The following ARHGAP8 variants were observed in gnomAD, a reference collection of about 807,000 sequenced individuals.
ARHGAP8 encodes rho GTPase-activating protein 8.
A neutral mutation model predicts 46.1 loss-of-function variants in ARHGAP8; 62 were observed. The ratio of observed to expected loss-of-function variants is 1.34; its 90% CI spans 1.10 to 1.66. The LOEUF (loss-of-function observed/expected upper bound fraction) is 1.66. ARHGAP8 is among the 40% of genes most tolerant of loss of function. The pLI, the probability that ARHGAP8 is intolerant of heterozygous loss-of-function variation, is 0.00. For missense variants in ARHGAP8, 923 were observed against 568.4 expected (o/e 1.62, Z -6.34); for synonymous variants, 375 against 243.1 (o/e 1.54, Z -5.05).
intron 2 of ARHGAP8, among the ~76,000 whole-genome samples, chr22:44,788,614 G>C (rs745893690): frequency 2.6e-5 from 4 of 151,934 alleles, no homozygotes; most frequent in Non-Finnish European, 5.9e-5. Flanking sequence ...GGCTGGTCTC[G>C]AACTCCTGAC....
At chr22:44,756,284 T>C (rs4823369) in intron 1 of ARHGAP8, among the ~76,000 whole-genome samples, 33,937 of 151,816 alleles carry the variant, frequency 0.22, 4,236 homozygotes, top group South Asian at 0.49. Context: ...GCAGTGGGTT[T>C]TTCTGGGCTG....
chr22:44,826,787 A>G (rs1930553284), intron 7 of ARHGAP8, among the ~76,000 whole-genome samples: 1 of 152,202 alleles, frequency 6.6e-6, no homozygotes. Context: ...TCTGGGCGGC[A>G]TCTGGGCCAG....
intron 10 of ARHGAP8, among the ~76,000 whole-genome samples, chr22:44,851,817 C>T (rs774225308): frequency 5.1e-4 from 77 of 151,716 alleles, no homozygotes; most frequent in Non-Finnish European, 2.1e-4. Context: ...CCAGCCTGGA[C>T]AAAAGAGCAA....
At chr22:44,786,211 G>A (rs539357389) in intron 1 of ARHGAP8, 2 of 590,484 alleles carry the variant, frequency 3.4e-6, no homozygotes, top group South Asian at 4.1e-5. Flanking sequence ...GTGGGTGCTC[G>A]ACTGATGTAG....
At chr22:44,855,880 C>T (rs193207565) in intron 10 of ARHGAP8, among the ~76,000 whole-genome samples, 145 of 152,268 alleles carry the variant, frequency 9.5e-4, no homozygotes, top group Non-Finnish European at 1.7e-3. Flanking sequence ...TTAATTGGCT[C>T]ATGTTTCTGT....
chr22:44,826,784 G>A (rs1044590314), intron 7 of ARHGAP8, among the ~76,000 whole-genome samples: 4 of 152,270 alleles, frequency 2.6e-5, no homozygotes, highest in South Asian at 2.1e-4. Context: ...GGCTCTGGGC[G>A]GCATCTGGGC....
At chr22:44,844,200 G>A (rs899086356) in intron 7 of ARHGAP8, among the ~76,000 whole-genome samples, 1 of 152,118 alleles carries the variant, frequency 6.6e-6, no homozygotes, top group Non-Finnish European at 1.5e-5. Flanking sequence ...TTGAACTCCT[G>A]ACCTCGTGGT....
intron 5 of ARHGAP8, among the ~76,000 whole-genome samples, chr22:44,815,259 G>A (rs1195908918): frequency 6.6e-6 from 1 of 152,176 alleles, no homozygotes; most frequent in Non-Finnish European, 1.5e-5. Flanking sequence ...GGAGGAGGGA[G>A]CATGGCTGGC....
At chr22:44,821,154 A>G (rs117316964) in intron 5 of ARHGAP8, among the ~76,000 whole-genome samples, 2,546 of 152,306 alleles carry the variant, frequency 0.017, 27 homozygotes, top group Middle Eastern at 0.048. Flanking sequence ...TATCTTGGCC[A>G]GGCACGGTGG....
At chr22:44,785,060 G>A (rs1441874971) in intron 1 of ARHGAP8, among the ~76,000 whole-genome samples, 2 of 152,170 alleles carry the variant, frequency 1.3e-5, no homozygotes, top group African/African-American at 2.4e-5. Flanking sequence ...AGGGAGGTGT[G>A]GGAAGCAGCT....
intron 2 of ARHGAP8, among the ~76,000 whole-genome samples, chr22:44,796,184 C>A (rs546239588): frequency 6.6e-6 from 1 of 152,182 alleles, no homozygotes; most frequent in Admixed American, 6.5e-5. Context: ...CCAGAGCAGA[C>A]GCTGTTCTGC....
chr22:44,813,255 TAC>T (rs143474269), intron 4 of ARHGAP8, among the ~76,000 whole-genome samples: 56 of 150,240 alleles, frequency 3.7e-4, no homozygotes, highest in African/African-American at 6.1e-4. Context: ...TACATACACT[TAC>T]ACACACACAC....
At chr22:44,808,706 G>A (rs1332603305) in intron 4 of ARHGAP8, 2 of 611,340 alleles carry the variant, frequency 3.3e-6, no homozygotes, top group South Asian at 3.0e-5. Context: ...GCTCACACCT[G>A]TAATCCCAGT....
chr22:44,790,153 G>C (rs556954222), intron 2 of ARHGAP8, among the ~76,000 whole-genome samples: 19 of 152,316 alleles, frequency 1.2e-4, no homozygotes, highest in Non-Finnish European at 2.4e-4. Context: ...AGTCTCTGGG[G>C]TTGGAGAATG....
chr22:44,857,758 G>A (rs1237026723), intron 10 of ARHGAP8, among the ~76,000 whole-genome samples: 1 of 152,156 alleles, frequency 6.6e-6, no homozygotes, highest in Non-Finnish European at 1.5e-5. Context: ...CCTCCCACAT[G>A]CAAGCTGTGT....
intron 11 of ARHGAP8, among the ~76,000 whole-genome samples, chr22:44,860,538 T>C (rs59455021): frequency 4.9e-5 from 5 of 101,514 alleles, no homozygotes; most frequent in Admixed American, 1.1e-4. Context: ...GATGATCTCA[T>C]CTTGAGATCC....
rs536173027 is a variant in ARHGAP8, at chr22:44,823,189, G to A, written c.485+720G>A. On this transcript the variant is annotated intron_variant, in intron 6 of 11. Transcript: ENST00000356099. ...ATGGCAGGTGCTGGGATATAGAGGT[G>A]TTTAGGGAGTGTGGTCTCTGCCCTC... is the stretch of plus-strand genomic sequence containing the variant. Among the ~76,000 whole-genome samples the A allele has an allele frequency of 3.2e-4, 48 of 152,312 alleles. 1 individual carries two copies. The South Asian group carries it at 9.7e-3, about 31-fold the overall frequency.
intron 7 of ARHGAP8, 50 bp from the exon 8 acceptor site, chr22:44,845,219 C>T (rs772299186): frequency 1.2e-6 from 2 of 1,609,878 alleles, no homozygotes; most frequent in South Asian, 1.1e-5. Context: ...TCATTGTGAT[C>T]ACCCATCAAG....
chr22:44,777,447 G>A lies in ARHGAP8; in HGVS notation c.-71-9010G>A, dbSNP rs563383784. Among the ~76,000 whole-genome samples, 64 of 152,096 alleles carry A rather than the reference G, an allele frequency of 4.2e-4. 3 individuals carry two copies. The South Asian group carries it at 0.012, about 30-fold the overall frequency. On this transcript the variant is annotated intron_variant, in intron 1 of 11. Transcript: ENST00000356099. ...GTAGTAGCACTTTTCTCACTAGCCA[G>A]GTAGGTTCATGTCATTAAAAGGTGG...
Sources: gnomAD v4.1 joint callset for allele counts (sites outside exome capture counted in the v4.1 genomes callset) on GRCh38, gnomAD v4.1.1 for gene constraint, MANE v1.5 for transcripts, NCBI Gene and HGNC (gene_info 2026-07-23, HGNC 2026-07-21) for gene names.